The following PRUNE2 variants were observed in gnomAD, a reference collection of about 807,000 sequenced individuals.
The protein encoded by PRUNE2 is prune homolog 2 with BCH domain, also known as protein prune homolog 2.
In PRUNE2, 164 loss-of-function variants were observed where a neutral mutation model predicts 252.0. The observed-to-expected ratio is 0.65, with a 90% CI of 0.57 to 0.74. The LOEUF (loss-of-function observed/expected upper bound fraction) is 0.74, where lower values mean the gene tolerates loss of function less well. Among genes scored for constraint, PRUNE2 ranks in the 30% least tolerant of loss-of-function variants. The pLI is 0.00. For missense variants in PRUNE2, 3,495 were observed against 3,711.0 expected (o/e 0.94, Z 1.51); for synonymous variants, 1,292 against 1,350.2 (o/e 0.96, Z 0.94).
At chr9:76,899,163 A>G (rs1391579940) in intron 1 of PRUNE2, among the ~76,000 whole-genome samples, 1 of 152,200 alleles carries the variant, frequency 6.6e-6, no homozygotes, top group African/African-American at 2.4e-5. Context: ...GGGGAGCCCA[A>G]CTTCTAGTCT....
intron 1 of PRUNE2, among the ~76,000 whole-genome samples, chr9:76,855,131 T>C (rs1010532772): frequency 2.7e-5 from 4 of 149,634 alleles, no homozygotes; most frequent in African/African-American, 9.9e-5. Context: ...GAAGACTTGC[T>C]ATTTCATTTT....
chr9:76,725,403 T>A (rs1316471324), intron 6 of PRUNE2, among the ~76,000 whole-genome samples: 1 of 152,208 alleles, frequency 6.6e-6, no homozygotes, highest in Non-Finnish European at 1.5e-5. Context: ...CAGTTTGGGA[T>A]TCGTTCTTCA....
At chr9:76,780,887 C>T (rs2054310860) in intron 6 of PRUNE2, among the ~76,000 whole-genome samples, 5 of 152,144 alleles carry the variant, frequency 3.3e-5, no homozygotes, top group Admixed American at 6.5e-5. Flanking sequence ...ACGCTGCAAC[C>T]TAGGGTGTGC....
intron 9 of PRUNE2, among the ~76,000 whole-genome samples, chr9:76,701,159 G>T (rs955880250): frequency 2.6e-5 from 4 of 152,126 alleles, no homozygotes; most frequent in Non-Finnish European, 5.9e-5. Context: ...AGTCGGAGCC[G>T]ATAATTTGCA....
intron 6 of PRUNE2, among the ~76,000 whole-genome samples, chr9:76,723,043 C>T (rs1223234505): frequency 5.3e-5 from 8 of 152,218 alleles, no homozygotes; most frequent in Non-Finnish European, 1.0e-4. Context: ...GCGCTGCTTA[C>T]GTCTTTTGAA....
At position 76,872,104 on chromosome 9, in the gene PRUNE2, G is replaced by A. The variant is rs545470400; in HGVS notation, c.37-17896C>T. Among the ~76,000 whole-genome samples, 4 of 152,032 alleles carry A rather than the reference G, an allele frequency of 2.6e-5. No individual in the cohort carries two copies. The South Asian group carries it at 8.3e-4, about 32-fold the overall frequency. ...AAACCCACAAGAGTCCTTGGCACCT[G>A]GAAGGGTAGGCCCTGGAACCCTGTG... On this transcript the variant is annotated intron_variant, in intron 1 of 18. Transcript: ENST00000376718.
intron 6 of PRUNE2, among the ~76,000 whole-genome samples, chr9:76,728,757 A>G (rs1284208156): frequency 6.6e-6 from 1 of 152,248 alleles, no homozygotes; most frequent in East Asian, 1.9e-4. Context: ...CTAGCTCCAC[A>G]GCCTGTTATC....
At chr9:76,825,538 C>T (rs1195202701) in intron 5 of PRUNE2, among the ~76,000 whole-genome samples, 1 of 152,182 alleles carries the variant, frequency 6.6e-6, no homozygotes, top group Non-Finnish European at 1.5e-5. Context: ...GGATGGGGTT[C>T]CTGAACTAAG....
At chr9:76,643,677 G>A (rs1371396374) in intron 12 of PRUNE2, among the ~76,000 whole-genome samples, 1 of 152,190 alleles carries the variant, frequency 6.6e-6, no homozygotes, top group Non-Finnish European at 1.5e-5. Flanking sequence ...GAAAGGCCAT[G>A]GCCAGGGCCA....
chr9:76,745,943 G>C (rs567290700), intron 6 of PRUNE2, among the ~76,000 whole-genome samples: 1 of 152,174 alleles, frequency 6.6e-6, no homozygotes, highest in Non-Finnish European at 1.5e-5. Context: ...ACAGGTAAAG[G>C]GAATAGCCTG....
chr9:76,784,419 A>T (rs1031755635), intron 6 of PRUNE2: 2 of 152,192 alleles, frequency 1.3e-5, no homozygotes, highest in African/African-American at 4.8e-5. Flanking sequence ...GGGAGGAGAT[A>T]ACCACGGGGC....
intron 6 of PRUNE2, among the ~76,000 whole-genome samples, chr9:76,776,518 C>CTT (rs796197139): frequency 5.5e-4 from 67 of 122,834 alleles, no homozygotes; most frequent in African/African-American, 1.0e-3. Flanking sequence ...TTTCTTTTTT[C>CTT]TTTTTTTTTT....
chr9:76,715,520 G>A (rs1265262085), intron 6 of PRUNE2, among the ~76,000 whole-genome samples: 1 of 152,154 alleles, frequency 6.6e-6, no homozygotes, highest in Non-Finnish European at 1.5e-5. Flanking sequence ...AAGGTCTCAG[G>A]ATCTATTCTC....
At chr9:76,640,633 T>G (rs549681307) in intron 12 of PRUNE2, among the ~76,000 whole-genome samples, 44 of 152,324 alleles carry the variant, frequency 2.9e-4, no homozygotes, top group Admixed American at 2.2e-3. Flanking sequence ...GAATGCAATA[T>G]GAAGGAAAAT....
At chr9:76,623,136 G>A (rs1358418970) in intron 17 of PRUNE2, among the ~76,000 whole-genome samples, 1 of 152,180 alleles carries the variant, frequency 6.6e-6, no homozygotes, top group Non-Finnish European at 1.5e-5. Flanking sequence ...CTATTAAAAT[G>A]GGAGCTGGTT....
At chr9:76,699,369 G>A (rs1242968961) in intron 9 of PRUNE2, among the ~76,000 whole-genome samples, 1 of 152,066 alleles carries the variant, frequency 6.6e-6, no homozygotes, top group Non-Finnish European at 1.5e-5. Context: ...CACCAGTTTA[G>A]ATGTTGTTGT....
At chr9:76,830,291 A>G (rs1028967303) in intron 4 of PRUNE2, among the ~76,000 whole-genome samples, 3 of 152,230 alleles carry the variant, frequency 2.0e-5, no homozygotes, top group African/African-American at 7.2e-5. Flanking sequence ...CTGTAGCAAT[A>G]TTTGAAAAGG....
chr9:76,624,958 C>T (rs1324018066), intron 16 of PRUNE2: 4 of 1,084,222 alleles, frequency 3.7e-6, no homozygotes, highest in African/African-American at 3.3e-5. Context: ...TTGAGGTCAC[C>T]CACAAGTAAA....
chr9:76,699,677 T>A (rs1344084614), intron 9 of PRUNE2, among the ~76,000 whole-genome samples: 1 of 152,208 alleles, frequency 6.6e-6, no homozygotes, highest in Non-Finnish European at 1.5e-5. Flanking sequence ...CATAATCGCA[T>A]GAGCCAATTC....
Sources: gnomAD v4.1 joint callset for allele counts (sites outside exome capture counted in the v4.1 genomes callset) on GRCh38, gnomAD v4.1.1 for gene constraint, MANE v1.5 for transcripts, NCBI Gene and HGNC (gene_info 2026-07-23, HGNC 2026-07-21) for gene names.